Variants in CAMKMT observed in about 807,000 individuals in gnomAD.
CAMKMT encodes the protein CaM KMT.
Under a neutral mutation model 48.0 loss-of-function variants are expected in CAMKMT, and 53 were observed. The observed-to-expected ratio is 1.10, with a 90% CI of 0.89 to 1.39. CAMKMT has a LOEUF of 1.39. Ranked by LOEUF, CAMKMT falls within the 40% of genes most tolerant of loss-of-function variation. The pLI, the probability that CAMKMT is intolerant of heterozygous loss-of-function variation, is 0.00. For synonymous variants in CAMKMT, 165 were observed against 152.3 expected (o/e 1.08, Z -0.61); for missense variants, 428 against 402.7 (o/e 1.06, Z -0.54).
chr2:44,545,966 G>A (rs1667372283), intron 3 of CAMKMT, among the ~76,000 whole-genome samples: 1 of 151,696 alleles, frequency 6.6e-6, no homozygotes, highest in Non-Finnish European at 1.5e-5. Context: ...TCTTATCAGA[G>A]GAAAATTTAG....
chr2:44,640,080 A>C (rs927182720), intron 3 of CAMKMT, among the ~76,000 whole-genome samples: 1 of 152,114 alleles, frequency 6.6e-6, no homozygotes, highest in African/African-American at 2.4e-5. Flanking sequence ...CCTTGCACTT[A>C]ATATCTGGTT....
At chr2:44,382,012 G>A (rs1168272576) in intron 2 of CAMKMT, among the ~76,000 whole-genome samples, 1 of 149,656 alleles carries the variant, frequency 6.7e-6, no homozygotes, top group Admixed American at 6.7e-5. Context: ...CACGATCTCG[G>A]CTCACAGCAG....
intron 3 of CAMKMT, among the ~76,000 whole-genome samples, chr2:44,440,155 G>A (rs1292101314): frequency 6.6e-6 from 1 of 152,092 alleles, no homozygotes; most frequent in African/African-American, 2.4e-5. Flanking sequence ...TTATAAAAAT[G>A]TACTCATTTG....
chr2:44,395,114 T>A, intron 3 of CAMKMT: 2 of 377,254 alleles, frequency 5.3e-6, no homozygotes, highest in Non-Finnish European at 1.1e-5. Flanking sequence ...AAATATGGTC[T>A]AAATTTTTAG....
Position 44,653,419 on chromosome 2 carries a change from T to C in CAMKMT, c.377-50864T>C, listed in dbSNP as rs527237538. Among the ~76,000 whole-genome samples, 1 of 152,240 alleles carries C rather than the reference T, an allele frequency of 6.6e-6. No homozygotes were observed. Among genetic ancestry groups the C allele is most frequent in the African/African-American group, 2.4e-5 (1 of 41,538 alleles). ...AAAAGAGAATCGCAGACTTTTAGAATTGGAAGGAACATTAGATATAGTTTT... is the reference window on the plus strand; with the variant it reads ...AAAAGAGAATCGCAGACTTTTAGAACTGGAAGGAACATTAGATATAGTTTT... On this transcript the variant is annotated intron_variant, in intron 3 of 10. Coordinates refer to ENST00000378494, the MANE Select transcript of CAMKMT (RefSeq NM_024766.5). The surrounding 1 kb of genome is among the most constrained non-coding windows in gnomAD (Gnocchi z 5.2).
intron 3 of CAMKMT, among the ~76,000 whole-genome samples, chr2:44,431,124 C>T (rs1191094457): frequency 6.6e-6 from 1 of 152,068 alleles, no homozygotes; most frequent in East Asian, 1.9e-4. Flanking sequence ...GCACAATTAA[C>T]CTATTCTTTT....
intron 3 of CAMKMT, among the ~76,000 whole-genome samples, chr2:44,517,326 A>G (rs139798396): frequency 1.6e-4 from 24 of 152,306 alleles, no homozygotes; most frequent in Non-Finnish European, 2.4e-4. Flanking sequence ...ATTTTGATTA[A>G]TATGTTTTAT....
intron 3 of CAMKMT, among the ~76,000 whole-genome samples, chr2:44,560,269 A>C (rs1314904477): frequency 6.6e-6 from 1 of 152,118 alleles, no homozygotes; most frequent in Non-Finnish European, 1.5e-5. Flanking sequence ...ATACTCTAAC[A>C]TACTTGTTTT....
At chr2:44,576,815 T>A (rs1669246287) in intron 3 of CAMKMT, among the ~76,000 whole-genome samples, 1 of 152,144 alleles carries the variant, frequency 6.6e-6, no homozygotes, top group African/African-American at 2.4e-5. Context: ...AAAATGCAAC[T>A]CAAAAGATAA....
chr2:44,525,405 C>G (rs915734489), intron 3 of CAMKMT, among the ~76,000 whole-genome samples: 28 of 152,114 alleles, frequency 1.8e-4, no homozygotes, highest in African/African-American at 6.7e-4. Flanking sequence ...CAGGTGCTTG[C>G]CACCATACCC....
intron 3 of CAMKMT, among the ~76,000 whole-genome samples, chr2:44,413,479 C>G (rs1683348311): frequency 6.6e-6 from 1 of 151,880 alleles, no homozygotes; most frequent in Non-Finnish European, 1.5e-5. Flanking sequence ...TAGTGAAACC[C>G]CGTGTCTACT....
intron 10 of CAMKMT, among the ~76,000 whole-genome samples, chr2:44,769,649 G>GGT (rs1681019536): frequency 6.7e-6 from 1 of 148,812 alleles, no homozygotes; most frequent in Non-Finnish European, 1.5e-5. Flanking sequence ...CATGCCGTGG[G>GGT]TTTTTTTTTT....
At chr2:44,608,640 C>G (rs1227976517) in intron 3 of CAMKMT, among the ~76,000 whole-genome samples, 3 of 152,026 alleles carry the variant, frequency 2.0e-5, no homozygotes, top group Non-Finnish European at 4.4e-5. Context: ...GTTTTCCTCC[C>G]TCTTGATTAT....
At chr2:44,754,252 G>T (rs1680276018) in intron 9 of CAMKMT, 134 bp downstream of exon 9, 2 of 674,268 alleles carry the variant, frequency 3.0e-6, no homozygotes, top group South Asian at 2.0e-5. Flanking sequence ...AACTTCAATT[G>T]GGTCTTCTGA....
chr2:44,582,460 C>G (rs1669618272), intron 3 of CAMKMT, among the ~76,000 whole-genome samples: 1 of 152,144 alleles, frequency 6.6e-6, no homozygotes, highest in Non-Finnish European at 1.5e-5. Flanking sequence ...GGTAAGCTGT[C>G]TCATTCTTTC....
chr2:44,465,933 A>G (rs189142098), intron 3 of CAMKMT, among the ~76,000 whole-genome samples: 2 of 152,334 alleles, frequency 1.3e-5, no homozygotes, highest in African/African-American at 4.8e-5. Context: ...CACAAGAGAC[A>G]AAGAAGGACA....
rs1188964131 is a variant in CAMKMT, at chr2:44,608,311, A to G, written c.377-95972A>G. Among the ~76,000 whole-genome samples the G allele has an allele frequency of 3.9e-5, 6 of 152,156 alleles. No homozygotes were observed. In the East Asian group the frequency reaches 9.7e-4, roughly 25 times the overall value. ...ATGGTCTCGATCTCCTGACCTCGTG[A>G]TCAGCCCACCTCGGCCTCCCAAAGT... On this transcript the variant is annotated intron_variant, in intron 3 of 10. Coordinates refer to ENST00000378494, the MANE Select transcript of CAMKMT (RefSeq NM_024766.5).
chr2:44,558,034 TATTCATTCATTCATTCATTC>T (rs60843994), intron 3 of CAMKMT, among the ~76,000 whole-genome samples: 5 of 143,888 alleles, frequency 3.5e-5, no homozygotes, highest in Admixed American at 2.7e-4. Context: ...TTTATTTATT[TATTCATTCATTCATTCATTC>T]ATTCATTCAT....
intron 3 of CAMKMT, among the ~76,000 whole-genome samples, chr2:44,533,085 A>G (rs906982502): frequency 2.6e-5 from 4 of 152,094 alleles, no homozygotes; most frequent in Non-Finnish European, 4.4e-5. Context: ...AAGTGCTGGG[A>G]TTACAGGCAT....
Sources: gnomAD v4.1 joint callset for allele counts (sites outside exome capture counted in the v4.1 genomes callset) on GRCh38, gnomAD v4.1.1 for gene constraint, Gnocchi (gnomAD v3.1) non-coding constraint, MANE v1.5 for transcripts, NCBI Gene and HGNC (gene_info 2026-07-23, HGNC 2026-07-21) for gene names.